CCDC91: variants seen among roughly 807,000 people sequenced by gnomAD.
CCDC91 encodes coiled-coil domain-containing protein 91.
CCDC91 carries 48 observed loss-of-function variants against 63.2 expected under a neutral mutation model. The ratio of observed to expected loss-of-function variants is 0.76; its 90% CI spans 0.60 to 0.97. CCDC91 has a LOEUF of 0.97. Among genes scored for constraint, CCDC91 ranks in the 50% least tolerant of loss-of-function variants. The probability of loss-of-function intolerance (pLI) is 0.00; values close to 1 mark genes in which losing one functional copy is unlikely to be tolerated. For missense variants in CCDC91, 500 were observed against 494.6 expected (o/e 1.01, Z -0.10); for synonymous variants, 167 against 165.8 (o/e 1.01, Z -0.06).
intron 7 of CCDC91, among the ~76,000 whole-genome samples, chr12:28,386,942 T>C (rs767442602): frequency 5.9e-5 from 9 of 152,168 alleles, no homozygotes; most frequent in Non-Finnish European, 1.3e-4. Context: ...CTTTCATATA[T>C]CTTTTTTTAA....
intron 12 of CCDC91, among the ~76,000 whole-genome samples, chr12:28,501,360 T>C (rs1424813384): frequency 6.6e-6 from 1 of 151,878 alleles, no homozygotes; most frequent in Non-Finnish European, 1.5e-5. Context: ...AGATAGCTCT[T>C]ATTATTTTGA....
intron 10 of CCDC91, among the ~76,000 whole-genome samples, chr12:28,451,878 T>C (rs547389137): frequency 2.7e-3 from 407 of 151,770 alleles, no homozygotes; most frequent in Non-Finnish European, 3.9e-3. Context: ...CCTATCTGTG[T>C]GAGACTGGGT....
chr12:28,351,647 AC>A (rs1943186597), intron 6 of CCDC91, among the ~76,000 whole-genome samples: 1 of 149,296 alleles, frequency 6.7e-6, no homozygotes, highest in Middle Eastern at 3.2e-3. Context: ...GGGCTTTGCA[AC>A]CGTAGATCTA....
intron 8 of CCDC91, among the ~76,000 whole-genome samples, chr12:28,415,260 G>T (rs1947571886): frequency 1.3e-5 from 2 of 148,228 alleles, no homozygotes; most frequent in Admixed American, 6.7e-5. Flanking sequence ...TTTTGCTGTT[G>T]TTGCCCAGGC....
intron 3 of CCDC91, among the ~76,000 whole-genome samples, chr12:28,297,035 C>G (rs1949601747): frequency 6.6e-6 from 1 of 151,788 alleles, no homozygotes; most frequent in African/African-American, 2.4e-5. Flanking sequence ...GGGATAAAAA[C>G]AAGGACCTGC....
chr12:28,403,275 G>C (rs1946746386), intron 8 of CCDC91, among the ~76,000 whole-genome samples: 1 of 152,132 alleles, frequency 6.6e-6, no homozygotes, highest in Admixed American at 6.5e-5. Flanking sequence ...ATCTGGGCCA[G>C]GTGCTTTCTG....
chr12:28,329,778 G>T (rs1941337381), intron 6 of CCDC91, among the ~76,000 whole-genome samples: 1 of 151,994 alleles, frequency 6.6e-6, no homozygotes, highest in South Asian at 2.1e-4. Flanking sequence ...GCCCCACCCT[G>T]TGACAGGCCC....
chr12:28,535,018 G>A (rs1170479614), intron 12 of CCDC91, among the ~76,000 whole-genome samples: 1 of 152,130 alleles, frequency 6.6e-6, no homozygotes, highest in African/African-American at 2.4e-5. Context: ...GAAATAAAGA[G>A]CTATAAAATG....
intron 8 of CCDC91, among the ~76,000 whole-genome samples, chr12:28,439,061 T>C (rs11049600): frequency 0.22 from 33,097 of 152,126 alleles, 4,343 homozygotes; most frequent in Non-Finnish European, 0.3. Flanking sequence ...CCAATTTTTG[T>C]GTCATTCCTA....
At chr12:28,422,975 T>C (rs990701901) in intron 8 of CCDC91, among the ~76,000 whole-genome samples, 2 of 152,076 alleles carry the variant, frequency 1.3e-5, no homozygotes, top group African/African-American at 4.8e-5. Flanking sequence ...TGGTGGTTGT[T>C]GTTGTTATTG....
chr12:28,486,086 G>T (rs1319480796), intron 12 of CCDC91, among the ~76,000 whole-genome samples: 1 of 152,190 alleles, frequency 6.6e-6, no homozygotes, highest in Non-Finnish European at 1.5e-5. Flanking sequence ...GCTTTAGAAC[G>T]TATTCATCTT....
At chr12:28,479,625 A>T (rs1293376356) in intron 11 of CCDC91, among the ~76,000 whole-genome samples, 4 of 151,928 alleles carry the variant, frequency 2.6e-5, no homozygotes, top group East Asian at 1.9e-4. Flanking sequence ...AAAATATATA[A>T]AAAAAATAAA....
intron 1 of CCDC91, among the ~76,000 whole-genome samples, chr12:28,242,499 A>G (rs1446959227): frequency 6.6e-6 from 1 of 152,140 alleles, no homozygotes; most frequent in Non-Finnish European, 1.5e-5. Flanking sequence ...CCCACAGAAA[A>G]GAGGGCAGCA....
intron 6 of CCDC91, among the ~76,000 whole-genome samples, chr12:28,324,750 T>G (rs1278409268): frequency 6.6e-6 from 1 of 151,950 alleles, no homozygotes; most frequent in African/African-American, 2.4e-5. Flanking sequence ...CTGAAGTGTT[T>G]AAGAACAATG....
chr12:28,267,218 A>G (rs1947248395), intron 3 of CCDC91, among the ~76,000 whole-genome samples: 1 of 151,890 alleles, frequency 6.6e-6, no homozygotes, highest in African/African-American at 2.4e-5. Context: ...TCTTCCAGGC[A>G]TGTACAATTG....
chr12:28,210,320 G>C (rs1021424098), intron 1 of CCDC91, among the ~76,000 whole-genome samples: 1 of 152,072 alleles, frequency 6.6e-6, no homozygotes, highest in African/African-American at 2.4e-5. Context: ...AAATTCACTT[G>C]AACTAAAAGG....
chr12:28,415,276 TGCAATA>T (rs1299763742), intron 8 of CCDC91, among the ~76,000 whole-genome samples: 1 of 151,528 alleles, frequency 6.6e-6, no homozygotes, highest in Non-Finnish European at 1.5e-5. Flanking sequence ...CAGGCTGGAG[TGCAATA>T]GCACGATCTC....
chr12:28,536,207 A>C (rs908821403), intron 12 of CCDC91, among the ~76,000 whole-genome samples: 3 of 152,144 alleles, frequency 2.0e-5, no homozygotes, highest in African/African-American at 4.8e-5. Flanking sequence ...AAGAAAAGAG[A>C]ATGACTGAAA....
At chr12:28,304,434 T>C (rs1205289813) in intron 3 of CCDC91, among the ~76,000 whole-genome samples, 1 of 138,734 alleles carries the variant, frequency 7.2e-6, no homozygotes. Context: ...GAAATGCCTA[T>C]GGGTGAAGCT....
Sources: allele counts gnomAD v4.1 joint callset (sites outside exome capture counted in the v4.1 genomes callset), GRCh38; gene constraint gnomAD v4.1.1; transcripts MANE v1.5; gene names NCBI Gene and HGNC (gene_info 2026-07-23, HGNC 2026-07-21).